Variants in DLGAP2 observed in about 807,000 individuals in gnomAD.
DLGAP2 encodes the protein DLG associated protein 2, also known as disks large-associated protein 2.
A neutral mutation model predicts 100.3 loss-of-function variants in DLGAP2; 26 were observed. The ratio of observed to expected loss-of-function variants is 0.26; its 90% CI spans 0.19 to 0.36. DLGAP2 has a LOEUF of 0.36. Among genes scored for constraint, DLGAP2 ranks in the 10% least tolerant of loss-of-function variants. The pLI is 1.00. For synonymous variants in DLGAP2, 886 were observed against 630.1 expected (o/e 1.41, Z -6.08); for missense variants, 1,858 against 1,453.2 (o/e 1.28, Z -4.53).
chr8:1,648,514 G>A (rs964212941), intron 8 of DLGAP2, among the ~76,000 whole-genome samples: 2 of 152,136 alleles, frequency 1.3e-5, no homozygotes, highest in African/African-American at 4.8e-5. Context: ...CAGGAGGTTT[G>A]GAGGCATCTG....
intron 2 of DLGAP2, among the ~76,000 whole-genome samples, chr8:1,202,872 G>C (rs1261435044): frequency 1.3e-5 from 2 of 152,224 alleles, no homozygotes; most frequent in Admixed American, 1.3e-4. Flanking sequence ...CTGTTAATCA[G>C]CCGCTGCCCA....
chr8:1,352,691 C>T (rs891648498), intron 3 of DLGAP2, among the ~76,000 whole-genome samples: 4 of 152,196 alleles, frequency 2.6e-5, no homozygotes, highest in Non-Finnish European at 5.9e-5. Context: ...CACGTTCCTT[C>T]TTTACATGAC....
chr8:1,177,942 G>C (rs1053008517), intron 2 of DLGAP2, among the ~76,000 whole-genome samples: 7 of 152,362 alleles, frequency 4.6e-5, no homozygotes, highest in Admixed American at 3.9e-4. Flanking sequence ...GGAAGCACCA[G>C]CTGAGGCCTC....
chr8:1,470,250 C>G (rs1214619154), intron 3 of DLGAP2, among the ~76,000 whole-genome samples: 1 of 152,146 alleles, frequency 6.6e-6, no homozygotes, highest in African/African-American at 2.4e-5. Flanking sequence ...GACGTCTACA[C>G]TGTCGCCTGT....
At chr8:1,186,815 C>G (rs1041880363) in intron 2 of DLGAP2, among the ~76,000 whole-genome samples, 1 of 152,158 alleles carries the variant, frequency 6.6e-6, no homozygotes, top group African/African-American at 2.4e-5. Flanking sequence ...GAGTGCCTGG[C>G]TTGGCTTTGC....
intron 3 of DLGAP2, among the ~76,000 whole-genome samples, chr8:1,484,369 C>T (rs746047625): frequency 1.6e-4 from 25 of 152,256 alleles, no homozygotes; most frequent in African/African-American, 3.4e-4. Context: ...TTTTAAGACA[C>T]GGACATGAGT....
At chr8:1,503,650 C>A (rs1455853782) in intron 4 of DLGAP2, among the ~76,000 whole-genome samples, 1 of 152,128 alleles carries the variant, frequency 6.6e-6, no homozygotes, top group Non-Finnish European at 1.5e-5. Flanking sequence ...ATTGGTGGAT[C>A]CCATGGTGAA....
intron 3 of DLGAP2, among the ~76,000 whole-genome samples, chr8:1,316,850 C>T (rs1417246423): frequency 4.1e-5 from 6 of 145,252 alleles, no homozygotes. Flanking sequence ...AGCGTCTCTC[C>T]CACAGTGGTC....
chr8:1,276,713 T>A (rs1799705696), intron 3 of DLGAP2, among the ~76,000 whole-genome samples: 1 of 152,228 alleles, frequency 6.6e-6, no homozygotes, highest in South Asian at 2.1e-4. Flanking sequence ...TGTTCACATT[T>A]TATTGGCCAA....
chr8:1,608,199 G>A (rs9772633), intron 6 of DLGAP2, among the ~76,000 whole-genome samples: 245 of 126,688 alleles, frequency 1.9e-3, no homozygotes, highest in African/African-American at 6.5e-3. Flanking sequence ...ATCTGAGAAC[G>A]GGCGGACTGC....
At chr8:944,453 C>T (rs190474806) in intron 2 of DLGAP2, among the ~76,000 whole-genome samples, 1 of 151,414 alleles carries the variant, frequency 6.6e-6, no homozygotes, top group Non-Finnish European at 1.5e-5. Flanking sequence ...CAACTGATCC[C>T]TGTAGGTGAT....
At chr8:1,576,967 T>C (rs1330792386) in intron 6 of DLGAP2, among the ~76,000 whole-genome samples, 2 of 152,130 alleles carry the variant, frequency 1.3e-5, no homozygotes, top group African/African-American at 4.8e-5. Context: ...GCCAAGACAA[T>C]CCTAAGCCAA....
chr8:1,637,439 C>T (rs1408444262), intron 8 of DLGAP2, among the ~76,000 whole-genome samples: 2 of 151,956 alleles, frequency 1.3e-5, no homozygotes, highest in East Asian at 3.9e-4. Flanking sequence ...GATGCATAGC[C>T]TCAGGTCATA....
chr8:833,348 C>T (rs1028511325), intron 1 of DLGAP2, among the ~76,000 whole-genome samples: 13 of 152,284 alleles, frequency 8.5e-5, no homozygotes, highest in African/African-American at 1.4e-4. Flanking sequence ...TTCTGGAGGT[C>T]GGAAGTCCAA....
chr8:1,527,715 C>G (rs1442143032), intron 4 of DLGAP2, among the ~76,000 whole-genome samples: 2 of 152,146 alleles, frequency 1.3e-5, no homozygotes, highest in Non-Finnish European at 2.9e-5. Context: ...GCATGCACGG[C>G]GTAACTGGGG....
chr8:1,414,686 C>A (rs575297095), intron 3 of DLGAP2, among the ~76,000 whole-genome samples: 1 of 152,110 alleles, frequency 6.6e-6, no homozygotes, highest in East Asian at 1.9e-4. Flanking sequence ...CGTGTCTTGC[C>A]TTTACAAGCA....
intron 2 of DLGAP2, among the ~76,000 whole-genome samples, chr8:1,053,495 A>G (rs1275521341): frequency 2.0e-5 from 3 of 152,144 alleles, no homozygotes; most frequent in Non-Finnish European, 4.4e-5. Context: ...GCAGTCTCCG[A>G]GGCCAGGGGT....
intron 6 of DLGAP2, among the ~76,000 whole-genome samples, chr8:1,578,212 C>A: frequency 6.6e-6 from 1 of 152,188 alleles, no homozygotes; most frequent in Non-Finnish European, 1.5e-5. Flanking sequence ...TGAATGTTTG[C>A]TTGTCTCCAT....
At position 1,280,675 on chromosome 8, in the gene DLGAP2, A is replaced by G. The variant is rs1799797288; in HGVS notation, c.106+21792A>G. 2.0e-5 allele frequency among the ~76,000 whole-genome samples: 3 copies of G among 152,196 alleles called. No homozygotes were observed. The South Asian group carries it at 6.2e-4, about 32-fold the overall frequency. Reference sequence around the variant, plus strand: ...GCCCATGTGAGCAGGTGCATGGGCCATGGGCATGGAGGGGAGGTAGGAGAG... The same window carrying G: ...GCCCATGTGAGCAGGTGCATGGGCCGTGGGCATGGAGGGGAGGTAGGAGAG... On this transcript the variant is annotated intron_variant, in intron 3 of 14. Coordinates refer to ENST00000637795, the MANE Select transcript of DLGAP2 (RefSeq NM_001346810.2).
Sources: allele counts gnomAD v4.1 joint callset (sites outside exome capture counted in the v4.1 genomes callset), GRCh38; gene constraint gnomAD v4.1.1; transcripts MANE v1.5; gene names NCBI Gene and HGNC (gene_info 2026-07-23, HGNC 2026-07-21).